Variants in FGD3 observed in about 807,000 individuals in gnomAD.
FGD3 encodes FYVE, RhoGEF and PH domain containing 3.
FGD3 carries 45 observed loss-of-function variants against 71.8 expected under a neutral mutation model. The observed-to-expected ratio is 0.63, with a 90% CI of 0.49 to 0.80. FGD3 has a LOEUF of 0.80. FGD3 is among the 30% of genes least tolerant of loss of function. FGD3 has a pLI of 0.00. For synonymous variants in FGD3, 378 were observed against 392.8 expected, an observed-to-expected ratio of 0.96 and a Z score of 0.44; for missense variants, 844 against 951.5, an observed-to-expected ratio of 0.89 and a Z score of 1.49.
chr9:93,021,613 T>C (rs571734399), intron 13 of FGD3, among the ~76,000 whole-genome samples: 1 of 152,218 alleles, frequency 6.6e-6, no homozygotes, highest in South Asian at 2.1e-4. Context: ...GCACCAGGCA[T>C]GACTCAGAGT....
At chr9:92,996,166 G>T (rs547345841) in intron 3 of FGD3, among the ~76,000 whole-genome samples, 7 of 152,136 alleles carry the variant, frequency 4.6e-5, no homozygotes, top group Non-Finnish European at 8.8e-5. Context: ...CCTGTTATTG[G>T]TCTATTCAGG....
intron 1 of FGD3, among the ~76,000 whole-genome samples, chr9:92,966,004 C>G (rs1356824163): frequency 1.3e-5 from 2 of 152,194 alleles, no homozygotes; most frequent in African/African-American, 2.4e-5. Flanking sequence ...AGAGCAGAGC[C>G]GGGCACTGTG....
intron 3 of FGD3, among the ~76,000 whole-genome samples, chr9:92,985,783 T>C (rs550109282): frequency 8.5e-5 from 13 of 152,312 alleles, no homozygotes; most frequent in Admixed American, 2.0e-4. Context: ...TGGCCCATTT[T>C]TCTGTTTTAA....
Position 93,002,994 on chromosome 9 carries a change from C to T in FGD3, c.523C>T (p.Arg175Trp), listed in dbSNP as rs775900978. ...LLHTEETYVK[R>W]LHLLDQVFCT... ...GCACACCGAGGAGACCTATGTGAAG[C>T]GGCTGCACCTGCTGGACCAGGTAGC... The change falls in exon 4 of 18, where the codon CGG becomes TGG. Residue 175 changes from arginine (R) to tryptophan (W), a missense_variant. Physicochemically the swap from Arg to Trp is moderately radical, Grantham distance 101. Transcript: ENST00000375482. The T allele has an allele frequency of 1.2e-5, 19 of 1,614,032 alleles. No homozygotes were observed. Among genetic ancestry groups the T allele is most frequent in the Admixed American group, 3.3e-5 (2 of 59,990 alleles).
At chr9:93,019,079 C>G (rs1182468070) in intron 11 of FGD3, among the ~76,000 whole-genome samples, 2 of 152,088 alleles carry the variant, frequency 1.3e-5, no homozygotes, top group Non-Finnish European at 2.9e-5. Flanking sequence ...GAACTCTTGA[C>G]CTCAGGTGAT....
chr9:92,978,257 G>T (rs1158589111), intron 3 of FGD3, among the ~76,000 whole-genome samples: 1 of 149,908 alleles, frequency 6.7e-6, no homozygotes, highest in Admixed American at 6.6e-5. Flanking sequence ...ACTCCAGCCT[G>T]GGCAGCAAGA....
rs28798806 is a variant in FGD3, at chr9:92,987,819, T to C, written c.453+11110T>C. ...TCTTCCTGTACCTGTCAAGTGTTCC[T>C]AGACGGTCATATACCAATTACACTT... On this transcript the variant is annotated intron_variant, in intron 3 of 17. Transcript: ENST00000375482. Among the ~76,000 whole-genome samples the C allele has an allele frequency of 4.8e-3, 738 of 152,366 alleles. 6 individuals are homozygous for C. Among genetic ancestry groups the C allele is most frequent in the African/African-American group, 0.017 (693 of 41,586 alleles).
chr9:92,966,005 G>C (rs945237292), intron 1 of FGD3, among the ~76,000 whole-genome samples: 1 of 152,194 alleles, frequency 6.6e-6, no homozygotes, highest in Non-Finnish European at 1.5e-5. Context: ...GAGCAGAGCC[G>C]GGCACTGTGG....
chr9:93,005,893 G>T, intron 5 of FGD3, 131 bp from the exon 6 acceptor site: 1 of 927,912 alleles, frequency 1.1e-6, no homozygotes, highest in Non-Finnish European at 1.6e-6. Flanking sequence ...GCTCAGAGAG[G>T]GTGACCAATT....
chr9:93,010,438 C>T (rs1861272737), intron 7 of FGD3, 54 bp downstream of exon 7: 5 of 1,531,902 alleles, frequency 3.3e-6, no homozygotes, highest in Non-Finnish European at 3.5e-6. Context: ...GCCAAGAACT[C>T]TGGGGGTGGG....
intron 8 of FGD3, 44 bp from the exon 9 acceptor site, chr9:93,013,808 C>G: frequency 6.2e-7 from 1 of 1,608,392 alleles, no homozygotes; most frequent in African/African-American, 1.3e-5. Context: ...GGTCACCAGC[C>G]ACTCTCACAG....
chr9:93,010,534 G>GAGA (rs1564161571), intron 7 of FGD3, 150 bp downstream of exon 7: 32 of 433,094 alleles, frequency 7.4e-5, no homozygotes, highest in Non-Finnish European at 6.6e-6. Context: ...AGAGACAGAG[G>GAGA]CAGGGGAGGG....
intron 3 of FGD3, among the ~76,000 whole-genome samples, chr9:92,990,530 C>G (rs1250222887): frequency 6.6e-6 from 1 of 152,194 alleles, no homozygotes; most frequent in Admixed American, 6.5e-5. Flanking sequence ...AGCTTTTCTG[C>G]ATTCAGTAAG....
chr9:93,034,487 AG>A, intron 16 of FGD3, 53 bp from the exon 17 acceptor site: 2 of 1,546,864 alleles, frequency 1.3e-6, no homozygotes, highest in Non-Finnish European at 8.8e-7. Context: ...TCCTCAGAAC[AG>A]GGGTGACCAC....
At chr9:93,019,184 CTA>C (rs1228820584) in intron 11 of FGD3, among the ~76,000 whole-genome samples, 2 of 152,214 alleles carry the variant, frequency 1.3e-5, no homozygotes, top group African/African-American at 2.4e-5. Context: ...GCACATATAT[CTA>C]TGTTTTAAAT....
chr9:93,031,632 C>G (rs1862359383), intron 15 of FGD3, among the ~76,000 whole-genome samples: 1 of 152,188 alleles, frequency 6.6e-6, no homozygotes. Flanking sequence ...AGAGCAATCT[C>G]CCCTCTGCTG....
chr9:93,035,730 G>T lies in FGD3; in HGVS notation c.*141G>T. On this transcript the variant is annotated 3_prime_UTR_variant, in exon 18 of 18. Coordinates refer to ENST00000375482, the MANE Select transcript of FGD3 (RefSeq NM_001083536.2). Reference sequence around the variant, plus strand: ...GAGCTCAGGACACTTGGCTTTGGGGGGAAGGAAACTGAGGCCCAGAGAGGG... The same window carrying T: ...GAGCTCAGGACACTTGGCTTTGGGGTGAAGGAAACTGAGGCCCAGAGAGGG... 1 of 1,281,394 alleles carries T rather than the reference G, an allele frequency of 7.8e-7. No individual in the cohort carries two copies. Among genetic ancestry groups the T allele is most frequent in the Non-Finnish European group, 1.0e-6 (1 of 968,080 alleles). 79.4% of individuals were successfully genotyped at this position (1,281,394 alleles called of 1,614,324 possible). A position where few individuals can be genotyped will look rare whatever the true frequency, so the allele number is the denominator to read the frequency against.
intron 3 of FGD3, among the ~76,000 whole-genome samples, chr9:92,998,344 A>T (rs1161518886): frequency 6.6e-6 from 1 of 152,028 alleles, no homozygotes; most frequent in Non-Finnish European, 1.5e-5. Flanking sequence ...ACTTCTCTAC[A>T]CTGGTTATTC....
At chr9:93,023,164 C>T (rs1487781563) in intron 14 of FGD3, among the ~76,000 whole-genome samples, 1 of 152,170 alleles carries the variant, frequency 6.6e-6, no homozygotes, top group African/African-American at 2.4e-5. Flanking sequence ...CCAGGTGCCT[C>T]GCCTCACCCC....
Sources: gnomAD v4.1 joint callset for allele counts (sites outside exome capture counted in the v4.1 genomes callset) on GRCh38, gnomAD v4.1.1 for gene constraint, MANE v1.5 for transcripts, NCBI Gene and HGNC (gene_info 2026-07-23, HGNC 2026-07-21) for gene names.